Variants in RABGAP1 observed in about 807,000 individuals in gnomAD.
The protein encoded by RABGAP1 is RAB GTPase activating protein 1.
A neutral mutation model predicts 137.6 loss-of-function variants in RABGAP1; 23 were observed. The observed-to-expected ratio is 0.17, with a 90% CI of 0.12 to 0.24. The LOEUF (loss-of-function observed/expected upper bound fraction) is 0.24, where lower values mean the gene tolerates loss of function less well. Ranked by LOEUF, RABGAP1 falls within the 10% of genes least tolerant of loss-of-function variation. RABGAP1 has a pLI of 1.00. For synonymous variants in RABGAP1, 451 were observed against 450.7 expected (o/e 1.00, Z -0.01); for missense variants, 906 against 1,275.8 (o/e 0.71, Z 4.42).
chr9:122,993,829 A>T (rs1192149559), intron 6 of RABGAP1, among the ~76,000 whole-genome samples: 1 of 151,604 alleles, frequency 6.6e-6, no homozygotes, highest in Non-Finnish European at 1.5e-5. Flanking sequence ...ACGCCCGGCT[A>T]ATTTTTGTAT....
chr9:122,935,366 C>T, the RABGAP1 span, among the ~76,000 whole-genome samples: 1 of 151,768 alleles, frequency 6.6e-6, no homozygotes, highest in Non-Finnish European at 1.5e-5. Context: ...TTGAGACAGT[C>T]TCGCTCTGTC....
At chr9:122,989,981 G>A (rs1836583332) in intron 5 of RABGAP1, 75 bp from the exon 6 acceptor site, 3 of 1,392,036 alleles carry the variant, frequency 2.2e-6, no homozygotes, top group African/African-American at 1.5e-5. Flanking sequence ...CTCCAAAGTA[G>A]GTAATCTTCC....
chr9:123,008,010 T>C (rs2030455235), intron 10 of RABGAP1, among the ~76,000 whole-genome samples: 1 of 150,850 alleles, frequency 6.6e-6, no homozygotes, highest in Non-Finnish European at 1.5e-5. Context: ...ATATTTAACA[T>C]ATATAATTCA....
chr9:123,019,644 T>C (rs776197277), intron 12 of RABGAP1, among the ~76,000 whole-genome samples: 10 of 151,796 alleles, frequency 6.6e-5, no homozygotes, highest in Non-Finnish European at 1.5e-4. Context: ...AGCTAGGTTC[T>C]TGTCATTTAT....
At chr9:123,020,268 A>G (rs574781545) in intron 12 of RABGAP1, 41 bp from the exon 13 acceptor site, 6 of 1,400,632 alleles carry the variant, frequency 4.3e-6, no homozygotes, top group African/African-American at 1.5e-5. Flanking sequence ...AGAGAATCTT[A>G]TCTTCCTTTT....
intron 2 of RABGAP1, among the ~76,000 whole-genome samples, chr9:122,964,360 T>G (rs1480962697): frequency 6.6e-6 from 1 of 152,174 alleles, no homozygotes; most frequent in African/African-American, 2.4e-5. Flanking sequence ...TAAAAAAGAT[T>G]ACATACCATG....
intron 13 of RABGAP1, among the ~76,000 whole-genome samples, chr9:123,021,474 C>T (rs1056742820): frequency 1.3e-5 from 2 of 151,946 alleles, no homozygotes; most frequent in East Asian, 1.9e-4. Context: ...CAGGTGCGCA[C>T]CACCATGCCT....
At chr9:123,043,903 T>C (rs1262617104) in intron 13 of RABGAP1, among the ~76,000 whole-genome samples, 1 of 147,824 alleles carries the variant, frequency 6.8e-6, no homozygotes, top group African/African-American at 2.5e-5. Context: ...TTATTTTCTT[T>C]TTTTTTTTTT....
intron 13 of RABGAP1, among the ~76,000 whole-genome samples, chr9:123,054,959 T>C (rs898812881): frequency 6.6e-6 from 1 of 152,182 alleles, no homozygotes; most frequent in African/African-American, 2.4e-5. Flanking sequence ...TTGTCAGTTT[T>C]CTCCACCATA....
intron 1 of RABGAP1, among the ~76,000 whole-genome samples, chr9:122,941,758 A>G (rs548014845): frequency 6.6e-6 from 1 of 152,364 alleles, no homozygotes; most frequent in East Asian, 1.9e-4. Flanking sequence ...GTTGAGCCAA[A>G]GGATAACCTC....
chr9:123,101,446 C>A, intron 24 of RABGAP1, 120 bp from the exon 25 acceptor site: 1 of 937,564 alleles, frequency 1.1e-6, no homozygotes, highest in Non-Finnish European at 1.5e-6. Context: ...CACAGGTTTT[C>A]AGAAACTGTA....
In RABGAP1 at chr9:122,996,052, A is replaced by C; in HGVS notation, c.935A>C (p.Lys312Thr). 1 of 1,605,604 alleles carries C rather than the reference A, an allele frequency of 6.2e-7. No individual in the cohort carries two copies. The highest frequency in any genetic ancestry group is 8.5e-7 in the Non-Finnish European group (1 of 1,177,472). The change falls in exon 7 of 26, where the codon AAA becomes ACA. Residue 312 changes from lysine (K) to threonine (T), a missense_variant. Lys to Thr is a moderately conservative substitution (Grantham distance 78). Around this residue, in one of 9 missense-constraint regions of RABGAP1, gnomAD observed 17 missense variants for 57.4 expected, o/e 0.30. Transcript: ENST00000373647. The stretch of plus-strand genomic sequence containing the variant: ...ATGTTGGTCTACAGTGCAGTTCCCA[A>C]AGATAAGGACAGACAGTGCTTTAAA... ...DGKGYFSAVP[K>T]DKDRQCFKLR...
intron 10 of RABGAP1, among the ~76,000 whole-genome samples, chr9:123,002,702 A>G (rs1837388787): frequency 1.3e-5 from 1 of 77,444 alleles, no homozygotes. Context: ...TAAAACTTTT[A>G]AAATATTATC....
chr9:123,015,881 C>T (rs1300435341), intron 12 of RABGAP1, among the ~76,000 whole-genome samples: 1 of 152,084 alleles, frequency 6.6e-6, no homozygotes, highest in Admixed American at 6.6e-5. Flanking sequence ...AATTCATGTA[C>T]AGAATAAATA....
chr9:122,978,196 T>C (rs1266137727), intron 2 of RABGAP1, among the ~76,000 whole-genome samples: 1 of 152,202 alleles, frequency 6.6e-6, no homozygotes, highest in African/African-American at 2.4e-5. Flanking sequence ...TCCCCTTCCC[T>C]GATAACCAGT....
rs1331903219 is a variant in RABGAP1 at position 122,984,679 on chromosome 9, A to G, written c.345A>G (p.Gln115=). Residue 115 remains glutamine (Q), a synonymous_variant, in exon 3 of 26, where the codon CAA becomes CAG. Transcript: ENST00000373647. The stretch of plus-strand genomic sequence containing the variant: ...ACCCTGTGCCATTAGTAGGGCTCCA[A>G]AAACCAGAGATGAGCCTACCAGTGA... ...TINPVPLVGL[Q]KPEMSLPVKP... is the part of the protein sequence containing the mutation. 2 of 1,614,206 alleles carry G rather than the reference A, an allele frequency of 1.2e-6. No homozygotes were observed. Among genetic ancestry groups the G allele is most frequent in the Admixed American group, 3.3e-5 (2 of 60,022 alleles).
chr9:123,057,172 C>T (rs1266111904), intron 13 of RABGAP1, among the ~76,000 whole-genome samples: 6 of 150,980 alleles, frequency 4.0e-5, no homozygotes, highest in Non-Finnish European at 7.4e-5. Flanking sequence ...ACCTCCCTCC[C>T]GGACAGGGTG....
At chr9:123,069,844 A>G (rs1246802211) in intron 14 of RABGAP1, among the ~76,000 whole-genome samples, 1 of 152,132 alleles carries the variant, frequency 6.6e-6, no homozygotes, top group Non-Finnish European at 1.5e-5. Context: ...TGATTGTACC[A>G]CTGCACTCCA....
At chr9:123,066,145 G>A (rs1390381185) in intron 14 of RABGAP1, among the ~76,000 whole-genome samples, 1 of 152,208 alleles carries the variant, frequency 6.6e-6, no homozygotes, top group African/African-American at 2.4e-5. Flanking sequence ...CATGAGACAT[G>A]TCGCTAATGC....
Sources: gnomAD v4.1 joint callset for allele counts (sites outside exome capture counted in the v4.1 genomes callset) on GRCh38, gnomAD v4.1.1 for gene constraint, gnomAD v4.1.1 regional missense constraint, MANE v1.5 for transcripts, NCBI Gene and HGNC (gene_info 2026-07-23, HGNC 2026-07-21) for gene names.